The following BRWD1 variants were observed in gnomAD, a reference collection of about 807,000 sequenced individuals.
The protein encoded by BRWD1 is bromodomain and WD repeat-containing protein 1.
A neutral mutation model predicts 251.2 loss-of-function variants in BRWD1; 82 were observed. That is an observed-to-expected ratio of 0.33 (90% CI 0.27 to 0.39). The LOEUF (loss-of-function observed/expected upper bound fraction) is 0.39. Ranked by LOEUF, BRWD1 falls within the 10% of genes least tolerant of loss-of-function variation. The pLI, the probability that BRWD1 is intolerant of heterozygous loss-of-function variation, is 1.00. For missense variants in BRWD1, 2,233 were observed against 2,711.6 expected, an observed-to-expected ratio of 0.82 and a Z score of 3.92; for synonymous variants, 918 against 902.8, an observed-to-expected ratio of 1.02 and a Z score of -0.30.
At chr21:39,313,418 G>A (rs1403540318) in intron 1 of BRWD1, 25 bp downstream of exon 1, 6 of 1,442,144 alleles carry the variant, frequency 4.2e-6, no homozygotes, top group East Asian at 2.9e-5. Context: ...CGCCAGGGCG[G>A]GGGTGGCACG....
chr21:39,188,055 A>C lies in BRWD1; in HGVS notation c.*8204T>G. On this transcript the variant is annotated 3_prime_UTR_variant, in exon 41 of 41. Coordinates refer to ENST00000342449, the MANE Select transcript of BRWD1 (RefSeq NM_033656.4). ...CACTGGAGCTCTACACAGCCACATG[A>C]TGCCAGAGCTACTACTCCGTGCTGA... 1 of 985,436 alleles carries C rather than the reference A, an allele frequency of 1.0e-6. No individual in the cohort carries two copies. Among genetic ancestry groups the C allele is most frequent in the African/African-American group, 1.7e-5 (1 of 57,376 alleles). The allele number at this position is 985,436 out of a possible 1,614,324, so 61.0% of individuals were successfully genotyped here. A position where few individuals can be genotyped will look rare whatever the true frequency, so the allele number is the denominator to read the frequency against.
At chr21:39,218,342 C>G in intron 30 of BRWD1, 70 bp from the exon 31 acceptor site, 1 of 1,518,954 alleles carries the variant, frequency 6.6e-7, no homozygotes, top group East Asian at 2.3e-5. Context: ...CTCTAGAAAT[C>G]ATTCATAAGA....
chr21:39,293,995 T>C lies in BRWD1; in HGVS notation c.647A>G (p.His216Arg), dbSNP rs746797362. The C allele has an allele frequency of 2.5e-6, 4 of 1,614,116 alleles. No individual in the cohort carries two copies. The highest frequency in any genetic ancestry group is 2.7e-5 in the African/African-American group (2 of 74,940). The change falls in exon 8 of 41, where the codon CAT becomes CGT. Residue 216 changes from histidine (H) to arginine (R), a missense_variant. His to Arg is a conservative substitution (Grantham distance 29). Transcript: ENST00000342449. ...TAATGTAGATAACAAGCGGCCATTA[T>C]GTGTTGACCAAATCTTTACCAAACA... Reference protein sequence around the residue: ...DDCLVKIWSTHNGRLLSTLRG... With the variant: ...DDCLVKIWSTRNGRLLSTLRG...
At chr21:39,241,845 T>C (rs1429959774) in intron 21 of BRWD1, among the ~76,000 whole-genome samples, 3 of 152,222 alleles carry the variant, frequency 2.0e-5, no homozygotes, top group African/African-American at 7.2e-5. Context: ...TTTCAAACTT[T>C]TTCATTTTTA....
rs1289589541 is a variant in BRWD1, at chr21:39,274,297, C to G, written c.1244+77G>C. On this transcript the variant is annotated intron_variant, in intron 13 of 40. Coordinates refer to ENST00000342449, the MANE Select transcript of BRWD1 (RefSeq NM_033656.4). The stretch of plus-strand genomic sequence containing the variant: ...TCAACAAAATAACCACTGAGAGACA[C>G]AGAGAGCGAGAGAGAGAGAGAGAGA... 8 of 1,077,488 alleles carry G rather than the reference C, an allele frequency of 7.4e-6. No homozygotes were observed. In the East Asian group the frequency reaches 9.9e-5, roughly 13 times the overall value. The allele number at this position is 1,077,488 out of a possible 1,614,324, so 66.7% of individuals were successfully genotyped here.
chr21:39,242,190 A>G (rs2034027419), intron 21 of BRWD1, among the ~76,000 whole-genome samples: 1 of 152,254 alleles, frequency 6.6e-6, no homozygotes, highest in Non-Finnish European at 1.5e-5. Context: ...TTGTGAATGC[A>G]AAGGAAAAGT....
At chr21:39,210,998 G>C in intron 34 of BRWD1, 69 bp from the exon 35 acceptor site, 1 of 1,428,978 alleles carries the variant, frequency 7.0e-7, no homozygotes, top group Non-Finnish European at 9.5e-7. Context: ...AAATGTAACT[G>C]ATCTACTGTC....
intron 4 of BRWD1, among the ~76,000 whole-genome samples, chr21:39,307,798 A>T: frequency 6.6e-6 from 1 of 152,204 alleles, no homozygotes; most frequent in East Asian, 1.9e-4. Flanking sequence ...ATTATCATTT[A>T]ATTTTCACAG....
intron 9 of BRWD1, 110 bp from the exon 10 acceptor site, chr21:39,278,923 CAG>C: frequency 1.1e-6 from 1 of 872,838 alleles, no homozygotes; most frequent in Non-Finnish European, 1.6e-6. Context: ...TTTTAAGAGA[CAG>C]GGTCTCGCCA....
chr21:39,293,884 C>CT lies in BRWD1; in HGVS notation c.757dup (p.Arg253LysfsTer27). 1 of 1,614,168 alleles carries CT rather than the reference C, an allele frequency of 6.2e-7. No individual in the cohort carries two copies. Among genetic ancestry groups the CT allele is most frequent in the Non-Finnish European group, 8.5e-7 (1 of 1,180,026 alleles). On this transcript the variant is annotated frameshift_variant, in exon 8 of 41. Coordinates refer to ENST00000342449, the MANE Select transcript of BRWD1 (RefSeq NM_033656.4). LOFTEE classifies it high-confidence loss of function. ...GGCACAAGTTCTCAAGCACCACACT[C>CT]TAATAATTTTATCACAGCTCCCCGC...
intron 15 of BRWD1, 130 bp from the exon 16 acceptor site, chr21:39,265,149 C>T: frequency 3.2e-6 from 3 of 945,928 alleles, no homozygotes; most frequent in East Asian, 2.8e-5. Context: ...TTCAGCCAGG[C>T]ATGGTGGCTC....
At chr21:39,317,453 T>A (rs115823899), upstream of BRWD1, among the ~76,000 whole-genome samples, 1 of 152,240 alleles carries the variant, frequency 6.6e-6, no homozygotes, top group African/African-American at 2.4e-5. Flanking sequence ...TTAGATGTCA[T>A]TGATAGGCTC....
At position 39,236,861 on chromosome 21, in the gene BRWD1, G is replaced by A. The variant is rs1203419023; in HGVS notation, c.2577-77C>T. 7.6e-6 allele frequency: 10 copies of A among 1,324,392 alleles called. No homozygotes were observed. The Admixed American group carries it at 2.1e-4, about 28-fold the overall frequency. The allele number at this position is 1,324,392 out of a possible 1,614,324, so 82.0% of individuals were successfully genotyped here. On this transcript the variant is annotated intron_variant, in intron 22 of 40. Coordinates refer to ENST00000342449, the MANE Select transcript of BRWD1 (RefSeq NM_033656.4). ...TAGCAAGTCAATCATATAAAATTGA[G>A]GGAACAGAGAGAGGAGAAAAAGGGA...
chr21:39,314,357 T>C (rs1288371443), upstream of BRWD1: 2 of 454,986 alleles, frequency 4.4e-6, no homozygotes, highest in East Asian at 7.0e-5. Context: ...GCCGAGGGGG[T>C]GCGAGTCGGG....
chr21:39,295,495 C>T (rs2035939114), intron 7 of BRWD1, among the ~76,000 whole-genome samples: 1 of 152,238 alleles, frequency 6.6e-6, no homozygotes, highest in Non-Finnish European at 1.5e-5. Flanking sequence ...CCAGGTATGT[C>T]TATTTTTAAG....
chr21:39,304,028 C>T (rs2036203939), intron 4 of BRWD1, among the ~76,000 whole-genome samples: 1 of 150,792 alleles, frequency 6.6e-6, no homozygotes, highest in Non-Finnish European at 1.5e-5. Flanking sequence ...GTAATCCCAG[C>T]TACTCAGGAG....
intron 8 of BRWD1, among the ~76,000 whole-genome samples, chr21:39,281,634 A>G (rs886422476): frequency 2.0e-5 from 3 of 152,226 alleles, no homozygotes; most frequent in African/African-American, 7.2e-5. Context: ...GTTTGAGGCC[A>G]GCCTGGCCAA....
In BRWD1 at chr21:39,192,840, A is replaced by G. The variant is rs1030833187; in HGVS notation, c.*3419T>C. On this transcript the variant is annotated 3_prime_UTR_variant, in exon 41 of 41. Coordinates refer to ENST00000342449, the MANE Select transcript of BRWD1 (RefSeq NM_033656.4). ...TCTGGGGTTTCAGTTGGCACAATCA[A>G]GTTCAACTTGTACTAACAGAAAATA... 6.5e-5 allele frequency: 64 copies of G among 984,756 alleles called. No individual in the cohort carries two copies. Among genetic ancestry groups the G allele is most frequent in the Non-Finnish European group, 7.4e-5 (61 of 829,528 alleles). The allele number at this position is 984,756 out of a possible 1,614,324, so 61.0% of individuals were successfully genotyped here. A position where few individuals can be genotyped will look rare whatever the true frequency, so the allele number is the denominator to read the frequency against.
chr21:39,291,948 T>A lies in BRWD1; in HGVS notation c.831+1863A>T, dbSNP rs1473431574. 2.0e-5 allele frequency among the ~76,000 whole-genome samples: 3 copies of A among 152,116 alleles called. No homozygotes were observed. The East Asian group carries it at 5.8e-4, about 29-fold the overall frequency. On this transcript the variant is annotated intron_variant, in intron 8 of 40. Transcript: ENST00000342449. ...CCCAATGTTTCAGGCATAAGTCTCT[T>A]TTTTTATTTTTATTTTTTGAGGCAG...
Sources: allele counts gnomAD v4.1 joint callset (sites outside exome capture counted in the v4.1 genomes callset), GRCh38; gene constraint gnomAD v4.1.1; transcripts MANE v1.5; gene names NCBI Gene and HGNC (gene_info 2026-07-23, HGNC 2026-07-21).